SEMA5A: variants seen among roughly 807,000 people sequenced by gnomAD.
SEMA5A encodes semaphorin-5A.
A neutral mutation model predicts 135.5 loss-of-function variants in SEMA5A; 55 were observed. That is an observed-to-expected ratio of 0.41 (90% CI 0.33 to 0.51). The LOEUF (loss-of-function observed/expected upper bound fraction) is 0.51. SEMA5A is among the 20% of genes least tolerant of loss of function. The pLI is 0.37. For synonymous variants in SEMA5A, 580 were observed against 546.5 expected (o/e 1.06, Z -0.85); for missense variants, 1,290 against 1,419.9 (o/e 0.91, Z 1.47).
chr5:9,384,932 C>T (rs765620462), intron 2 of SEMA5A, among the ~76,000 whole-genome samples: 111 of 152,276 alleles, frequency 7.3e-4, no homozygotes, highest in Non-Finnish European at 4.3e-4. Context: ...CTATGTGCTA[C>T]ATTTGGGAAA....
At chr5:9,186,843 T>G (rs1172728064) in intron 11 of SEMA5A, among the ~76,000 whole-genome samples, 1 of 152,222 alleles carries the variant, frequency 6.6e-6, no homozygotes, top group African/African-American at 2.4e-5. Context: ...TATTCTAGAT[T>G]TTTTTCAAAT....
rs541622755 is a variant in SEMA5A at position 9,418,378 on chromosome 5, G to A, written c.-78+19378C>T. On this transcript the variant is annotated intron_variant, in intron 2 of 22. Transcript: ENST00000382496. ...ACCTTATAATACTATCAAACTGGGTGTTAGGATTTCAACATATGCATTTTG... is the reference window on the plus strand; with the variant it reads ...ACCTTATAATACTATCAAACTGGGTATTAGGATTTCAACATATGCATTTTG... Among the ~76,000 whole-genome samples the A allele has an allele frequency of 1.1e-4, 16 of 152,304 alleles. No individual in the cohort carries two copies. In the South Asian group the frequency reaches 3.3e-3, roughly 32 times the overall value.
At chr5:9,176,938 C>T (rs867978469) in intron 11 of SEMA5A, among the ~76,000 whole-genome samples, 3 of 152,208 alleles carry the variant, frequency 2.0e-5, no homozygotes, top group African/African-American at 7.2e-5. Context: ...TTAAAATATA[C>T]CCCATTGCTT....
intron 4 of SEMA5A, among the ~76,000 whole-genome samples, chr5:9,336,433 G>C (rs1205729): frequency 0.66 from 100,121 of 151,886 alleles, 33,874 homozygotes; most frequent in East Asian, 0.78. Flanking sequence ...CCAGGAGACT[G>C]ATTTAACACC....
intron 5 of SEMA5A, among the ~76,000 whole-genome samples, chr5:9,254,057 C>T (rs1748936001): frequency 6.6e-6 from 1 of 152,122 alleles, no homozygotes; most frequent in South Asian, 2.1e-4. Context: ...TATAAAATCA[C>T]TTGATTGGTT....
chr5:9,074,805 G>A (rs1737956009), intron 16 of SEMA5A, among the ~76,000 whole-genome samples: 1 of 152,072 alleles, frequency 6.6e-6, no homozygotes, highest in Admixed American at 6.5e-5. Context: ...TCAAACAACA[G>A]AAAAAACAAA....
At chr5:9,140,573 T>G (rs987908232) in intron 12 of SEMA5A, among the ~76,000 whole-genome samples, 4 of 152,204 alleles carry the variant, frequency 2.6e-5, no homozygotes, top group African/African-American at 9.6e-5. Flanking sequence ...CACCTGGCTG[T>G]GCCAATGAGA....
intron 5 of SEMA5A, among the ~76,000 whole-genome samples, chr5:9,268,755 AC>A: frequency 6.6e-6 from 1 of 152,278 alleles, no homozygotes; most frequent in East Asian, 1.9e-4. Context: ...CAACACTTCA[AC>A]AGATTGCTGT....
chr5:9,353,973 T>TAC (rs1754330007), intron 3 of SEMA5A, among the ~76,000 whole-genome samples: 2 of 139,226 alleles, frequency 1.4e-5, no homozygotes. Flanking sequence ...AAGCACGTGT[T>TAC]AAAAAAAAAA....
chr5:9,363,068 T>A (rs1434400254), intron 3 of SEMA5A, among the ~76,000 whole-genome samples: 1 of 152,232 alleles, frequency 6.6e-6, no homozygotes. Flanking sequence ...TCCAGGACTC[T>A]AAAGTACATT....
At chr5:9,520,864 G>A (rs1736787848) in intron 1 of SEMA5A, among the ~76,000 whole-genome samples, 1 of 152,166 alleles carries the variant, frequency 6.6e-6, no homozygotes, top group Non-Finnish European at 1.5e-5. Context: ...GAAGCCTAAG[G>A]AGACAGGCAG....
At chr5:9,227,829 C>T (rs566900463) in intron 6 of SEMA5A, among the ~76,000 whole-genome samples, 15 of 151,984 alleles carry the variant, frequency 9.9e-5, no homozygotes, top group Admixed American at 4.6e-4. Flanking sequence ...GGATTACAGG[C>T]GTGAGCCGCC....
chr5:9,040,167 T>TAAAG lies in SEMA5A; in HGVS notation c.*2726_*2729dup, dbSNP rs923670597. On this transcript the variant is annotated 3_prime_UTR_variant, in exon 23 of 23. Transcript: ENST00000382496. ...AAGAAAATAGGAAGAAAGGAAGAAT[T>TAAAG]AAAGAAAGAAGAAAGGAAAGAAGAA... 3.3e-5 allele frequency: 5 copies of TAAAG among 151,678 alleles called. No individual in the cohort carries two copies. Among genetic ancestry groups the TAAAG allele is most frequent in the Admixed American group, 1.3e-4 (2 of 15,244 alleles). The allele number at this position is 151,678 out of a possible 1,614,324, so 9.4% of individuals were successfully genotyped here. A position where few individuals can be genotyped will look rare whatever the true frequency, so the allele number is the denominator to read the frequency against.
intron 16 of SEMA5A, among the ~76,000 whole-genome samples, chr5:9,084,896 G>A (rs1738594039): frequency 6.6e-6 from 1 of 152,180 alleles, no homozygotes; most frequent in South Asian, 2.1e-4. Context: ...TGCCCAAAAT[G>A]CTGATAGCGA....
Position 9,122,709 on chromosome 5 carries a change from C to G in SEMA5A, c.1728G>C (p.Gln576His). 6.2e-7 allele frequency: 1 copy of G among 1,613,466 alleles called. No individual in the cohort carries two copies. Among genetic ancestry groups the G allele is most frequent in the Non-Finnish European group, 8.5e-7 (1 of 1,179,784 alleles). The change falls in exon 14 of 23, where the codon CAG becomes CAC. Residue 576 changes from glutamine (Q) to histidine (H), a missense_variant. Transcript: ENST00000382496. Reference protein sequence around the residue: ...RTRSCDSPAPQCGGWQCEGPG... With the variant: ...RTRSCDSPAPHCGGWQCEGPG... The stretch of plus-strand genomic sequence containing the variant: ...GGCCCTCGCACTGCCAGCCACCACA[C>G]TGCGGGGCCGGGCTGTCGCAGGAGC...
intron 5 of SEMA5A, among the ~76,000 whole-genome samples, chr5:9,295,271 G>C (rs1751276600): frequency 6.6e-6 from 1 of 152,128 alleles, no homozygotes; most frequent in Non-Finnish European, 1.5e-5. Context: ...ACAGATTCTA[G>C]AACTCCTGTG....
Position 9,224,899 on chromosome 5 carries a change from G to A in SEMA5A, c.433-12C>T. 6.2e-7 allele frequency: 1 copy of A among 1,607,674 alleles called. No homozygotes were observed. Among genetic ancestry groups the A allele is most frequent in the Non-Finnish European group, 8.5e-7 (1 of 1,176,080 alleles). The stretch of plus-strand genomic sequence containing the variant: ...GTCAGGTTGCTCAACTGTGGGGGAG[G>A]ATGAGAGGGAAAGCAGTTATCTCTG... On this transcript the variant is annotated splice_polypyrimidine_tract_variant and intron_variant, in intron 7 of 22. Transcript: ENST00000382496.
intron 1 of SEMA5A, among the ~76,000 whole-genome samples, chr5:9,532,623 C>T (rs1188637489): frequency 6.6e-6 from 1 of 152,096 alleles, no homozygotes; most frequent in Non-Finnish European, 1.5e-5. Context: ...TTTCTCTAGA[C>T]ATGGGGAAAT....
At chr5:9,463,090 C>T (rs1468141514) in intron 1 of SEMA5A, among the ~76,000 whole-genome samples, 1 of 151,876 alleles carries the variant, frequency 6.6e-6, no homozygotes, top group Admixed American at 6.6e-5. Context: ...AATAAGGATG[C>T]AACTTGCATC....
Sources: allele counts gnomAD v4.1 joint callset (sites outside exome capture counted in the v4.1 genomes callset), GRCh38; gene constraint gnomAD v4.1.1; transcripts MANE v1.5; gene names NCBI Gene and HGNC (gene_info 2026-07-23, HGNC 2026-07-21).